The following VPS54 variants were observed in gnomAD, a reference collection of about 807,000 sequenced individuals.
VPS54 encodes vacuolar protein sorting-associated protein 54.
In VPS54, 45 loss-of-function variants were observed where a neutral mutation model predicts 121.5. That is an observed-to-expected ratio of 0.37 (90% CI 0.29 to 0.47). The LOEUF (loss-of-function observed/expected upper bound fraction) is 0.47. Ranked by LOEUF, VPS54 falls within the 20% of genes least tolerant of loss-of-function variation. The probability of loss-of-function intolerance (pLI) is 0.99; values close to 1 mark genes in which losing one functional copy is unlikely to be tolerated. For missense variants in VPS54, 1,090 were observed against 1,131.4 expected, an observed-to-expected ratio of 0.96 and a Z score of 0.52; for synonymous variants, 371 against 385.8, an observed-to-expected ratio of 0.96 and a Z score of 0.45.
At position 63,895,558 on chromosome 2, in the gene VPS54, T is replaced by C. The variant is rs1208044089; in HGVS notation, c.2828+1938A>G. On this transcript the variant is annotated intron_variant, in intron 22 of 22. Coordinates refer to ENST00000272322, the MANE Select transcript of VPS54 (RefSeq NM_016516.3). ...AGTAGTGAAAATGTTTGGAACTAGA[T>C]AGAGGTGGCGGTTACGCATCACTGT... is the stretch of plus-strand genomic sequence containing the variant. 2.6e-5 allele frequency among the ~76,000 whole-genome samples: 4 copies of C among 152,236 alleles called. 1 individual carries two copies. Among genetic ancestry groups the C allele is most frequent in the Non-Finnish European group, 5.9e-5 (4 of 68,046 alleles).
chr2:63,986,045 CAAATA>C lies in VPS54; in HGVS notation c.-20-2031_-20-2027del, dbSNP rs1677035904. On this transcript the variant is annotated intron_variant, in intron 1 of 22. Transcript: ENST00000272322. Reference sequence around the variant, plus strand: ...TGACCATGTTAACTTTCTCATTAATCAAATAAAACAGCAAAAAACATTTTTGAAAC... The same window carrying C: ...TGACCATGTTAACTTTCTCATTAATCAAACAGCAAAAAACATTTTTGAAAC... Among the ~76,000 whole-genome samples the C allele has an allele frequency of 3.3e-5, 5 of 152,246 alleles. No homozygotes were observed. The South Asian group carries it at 1.0e-3, about 32-fold the overall frequency.
chr2:63,895,308 G>C (rs185411776), intron 22 of VPS54, among the ~76,000 whole-genome samples: 2 of 152,278 alleles, frequency 1.3e-5, no homozygotes, highest in African/African-American at 4.8e-5. Context: ...ACAAAAAGTA[G>C]CCAGGCGTGG....
At chr2:63,974,660 T>A (rs1179329562) in intron 3 of VPS54, among the ~76,000 whole-genome samples, 2 of 152,202 alleles carry the variant, frequency 1.3e-5, no homozygotes, top group Non-Finnish European at 2.9e-5. Flanking sequence ...TCTATTTAGA[T>A]TTATACATAA....
chr2:64,009,418 C>T (rs184684785), intron 1 of VPS54, among the ~76,000 whole-genome samples: 6 of 152,112 alleles, frequency 3.9e-5, no homozygotes, highest in African/African-American at 9.6e-5. Context: ...CGGGTTCAAG[C>T]GATTCTCCTG....
At chr2:63,991,002 G>C (rs904991982) in intron 1 of VPS54, among the ~76,000 whole-genome samples, 1 of 152,126 alleles carries the variant, frequency 6.6e-6, no homozygotes, top group Non-Finnish European at 1.5e-5. Flanking sequence ...TTCGTATCTG[G>C]TGGTCACAAG....
Position 63,972,178 on chromosome 2 carries a change from A to G in VPS54, c.445T>C (p.Leu149=), listed in dbSNP as rs146545300. Residue 149 remains leucine (L), a synonymous_variant, in exon 4 of 23, where the codon TTA becomes CTA. Coordinates refer to ENST00000272322, the MANE Select transcript of VPS54 (RefSeq NM_016516.3). ...PPKDTFERTL[L]HTHDKSRTDL... is the part of the protein sequence containing the mutation. ...CACATATTCATACCATGAGTATGTA[A>G]AAGAGTCCTTTCGAAGGTATCTTTA... is the stretch of plus-strand genomic sequence containing the variant. 1,090 of 1,584,924 alleles carry G rather than the reference A, an allele frequency of 6.9e-4. 17 individuals are homozygous for G. In the East Asian group the frequency reaches 0.02, roughly 29 times the overall value.
At chr2:63,975,274 TC>T (rs1676470424) in intron 3 of VPS54, 2 of 395,168 alleles carry the variant, frequency 5.1e-6, no homozygotes, top group East Asian at 3.6e-5. Flanking sequence ...TCTTGTCCAT[TC>T]TTGGGCATAG....
At chr2:63,925,708 G>A (rs1186102869) in intron 12 of VPS54, among the ~76,000 whole-genome samples, 4 of 152,216 alleles carry the variant, frequency 2.6e-5, no homozygotes, top group Non-Finnish European at 1.5e-5. Context: ...TATCACAACT[G>A]TAATGCTGAA....
chr2:63,984,817 T>C (rs1676966761), intron 1 of VPS54, among the ~76,000 whole-genome samples: 1 of 152,198 alleles, frequency 6.6e-6, no homozygotes, highest in African/African-American at 2.4e-5. Context: ...GGTAAGACTT[T>C]ATAAATGAAG....
At position 63,962,284 on chromosome 2, in the gene VPS54, T is replaced by A. The variant is rs1300830869; in HGVS notation, c.784A>T (p.Ile262Phe). ...GATCCTTCACACATTACTTTATCAATCTGTGCAATTTTATCTCGAAGCATT... is the reference window on the plus strand; with the variant it reads ...GATCCTTCACACATTACTTTATCAAACTGTGCAATTTTATCTCGAAGCATT... Reference protein sequence around the residue: ...VKMLRDKIAQIDKVMCEGSLH... With the variant: ...VKMLRDKIAQFDKVMCEGSLH... The change falls in exon 7 of 23, where the codon ATT becomes TTT. Residue 262 changes from isoleucine to phenylalanine, a missense_variant. Physicochemically the swap from Ile to Phe is conservative, Grantham distance 21. This residue lies in a region of VPS54 where 801 missense variants were observed against 757.0 expected (regional missense o/e 1.06). Transcript: ENST00000272322. 1 of 1,614,092 alleles carries A rather than the reference T, an allele frequency of 6.2e-7. No individual in the cohort carries two copies. Among genetic ancestry groups the A allele is most frequent in the African/African-American group, 1.3e-5 (1 of 75,050 alleles).
chr2:63,990,297 G>A (rs989996192), intron 1 of VPS54, among the ~76,000 whole-genome samples: 5 of 151,952 alleles, frequency 3.3e-5, no homozygotes, highest in African/African-American at 9.7e-5. Context: ...TTCTTTTCAC[G>A]AAGAGCCAGT....
chr2:63,923,257 A>G (rs945150759), intron 12 of VPS54, among the ~76,000 whole-genome samples: 3 of 152,002 alleles, frequency 2.0e-5, no homozygotes, highest in Non-Finnish European at 2.9e-5. Flanking sequence ...CAGAGCTTGC[A>G]GTGAGCCGAG....
In VPS54 at chr2:64,019,237, C is replaced by T. The variant is rs1443780660; in HGVS notation, c.-320G>A. ...CCCCGGGTCCGCAGCGCCGCCTCCGCCGCTGCTGCCACCGCCTCTCCCACA... is the reference window on the plus strand; with the variant it reads ...CCCCGGGTCCGCAGCGCCGCCTCCGTCGCTGCTGCCACCGCCTCTCCCACA... On this transcript the variant is annotated 5_prime_UTR_variant, in exon 1 of 23. Coordinates refer to ENST00000272322, the MANE Select transcript of VPS54 (RefSeq NM_016516.3). Among the ~76,000 whole-genome samples, 2 of 150,328 alleles carry T rather than the reference C, an allele frequency of 1.3e-5. No homozygotes were observed. Among genetic ancestry groups the T allele is most frequent in the Admixed American group, 6.6e-5 (1 of 15,138 alleles).
rs1216140905 is a variant in VPS54, at chr2:63,969,809, GGCATGCTAT to G, written c.458-827_458-819del. Among the ~76,000 whole-genome samples the G allele has an allele frequency of 3.3e-5, 5 of 152,080 alleles. No homozygotes were observed. The East Asian group carries it at 9.7e-4, about 29-fold the overall frequency. ...TTCAAGTTTTGGTAAGACTGAATAT[GGCATGCTAT>G]GTAATTTTAAAAAATGAATTAAATT... On this transcript the variant is annotated intron_variant, in intron 4 of 22. Transcript: ENST00000272322.
chr2:63,984,029 A>G lies in VPS54; in HGVS notation c.-20-10T>C, dbSNP rs1420083027. The G allele has an allele frequency of 6.3e-7, 1 of 1,579,414 alleles. No individual in the cohort carries two copies. Among genetic ancestry groups the G allele is most frequent in the African/African-American group, 1.3e-5 (1 of 74,260 alleles). ...TAAAATCACCACTCAACTGAAAATG[A>G]GTAAGAAATACTAATTAAGACACCG... On this transcript the variant is annotated splice_polypyrimidine_tract_variant and intron_variant, in intron 1 of 22. Transcript: ENST00000272322.
chr2:63,901,575 G>A (rs987928394), intron 20 of VPS54, among the ~76,000 whole-genome samples: 1 of 152,156 alleles, frequency 6.6e-6, no homozygotes, highest in East Asian at 1.9e-4. Context: ...TTCAGGAGGT[G>A]ATTAGTTGCC....
At chr2:63,895,638 T>C (rs978556405) in intron 22 of VPS54, among the ~76,000 whole-genome samples, 24 of 152,242 alleles carry the variant, frequency 1.6e-4, no homozygotes, top group Non-Finnish European at 2.4e-4. Flanking sequence ...TTTTATGTTA[T>C]GTGAATTTCA....
In VPS54 at chr2:64,017,408, GGGCTAT is replaced by G. The variant is rs1311425766; in HGVS notation, c.-21+1524_-21+1529del. Among the ~76,000 whole-genome samples the G allele has an allele frequency of 4.0e-5, 6 of 151,458 alleles. No individual in the cohort carries two copies. The East Asian group carries it at 1.2e-3, about 29-fold the overall frequency. Reference sequence around the variant, plus strand: ...AATTCTGCAAAATTTGCCGTTTCATGGGCTATATAGGAATTGACTTTAATTCTGACA... The same window carrying G: ...AATTCTGCAAAATTTGCCGTTTCATGATAGGAATTGACTTTAATTCTGACA... On this transcript the variant is annotated intron_variant, in intron 1 of 22. Transcript: ENST00000272322.
chr2:63,925,023 C>T (rs943862230), intron 12 of VPS54, among the ~76,000 whole-genome samples: 10 of 152,030 alleles, frequency 6.6e-5, no homozygotes, highest in Non-Finnish European at 1.5e-4. Context: ...AAACAGGACA[C>T]AAAGAAGCAT....
Sources: allele counts gnomAD v4.1 joint callset (sites outside exome capture counted in the v4.1 genomes callset), GRCh38; gene constraint gnomAD v4.1.1; regional missense constraint gnomAD v4.1.1; transcripts MANE v1.5; gene names NCBI Gene and HGNC (gene_info 2026-07-23, HGNC 2026-07-21).